Variants in ARL8B observed in about 807,000 individuals in gnomAD.
ARL8B encodes the protein ARF like GTPase 8B, also known as ADP-ribosylation factor-like protein 8B.
In ARL8B, 9 loss-of-function variants were observed where a neutral mutation model predicts 30.6. The observed-to-expected ratio is 0.29, with a 90% CI of 0.18 to 0.51. ARL8B has a LOEUF of 0.51. Among genes scored for constraint, ARL8B ranks in the 20% least tolerant of loss-of-function variants. ARL8B has a pLI of 0.97. For missense variants in ARL8B, 130 were observed against 227.2 expected (o/e 0.57, Z 2.75); for synonymous variants, 74 against 76.0 (o/e 0.97, Z 0.14).
intron 1 of ARL8B, among the ~76,000 whole-genome samples, chr3:5,163,675 G>A (rs1389892429): frequency 6.6e-6 from 1 of 152,194 alleles, no homozygotes; most frequent in African/African-American, 2.4e-5. Context: ...TTCAAGACCA[G>A]CCTGGCCAAC....
intron 1 of ARL8B, among the ~76,000 whole-genome samples, chr3:5,147,995 A>AT (rs1402280655): frequency 2.0e-5 from 3 of 151,424 alleles, no homozygotes; most frequent in African/African-American, 7.3e-5. Context: ...TGGGATTATT[A>AT]TTATCCCATT....
At chr3:5,160,346 A>T (rs1450643689) in intron 1 of ARL8B, among the ~76,000 whole-genome samples, 2 of 152,240 alleles carry the variant, frequency 1.3e-5, no homozygotes, top group African/African-American at 4.8e-5. Context: ...ATTTTTATTC[A>T]GCAGTTTTTT....
chr3:5,147,354 C>G (rs1315143081), intron 1 of ARL8B, among the ~76,000 whole-genome samples: 3 of 152,190 alleles, frequency 2.0e-5, no homozygotes, highest in Non-Finnish European at 4.4e-5. Context: ...ATGAACTCAT[C>G]CTTTTTTATG....
chr3:5,136,022 A>G (rs2054322618), intron 1 of ARL8B, among the ~76,000 whole-genome samples: 1 of 148,236 alleles, frequency 6.7e-6, no homozygotes, highest in Non-Finnish European at 1.5e-5. Flanking sequence ...TCCTGAGCTC[A>G]GGCAGTCCAC....
At chr3:5,132,146 C>T (rs74284141) in intron 1 of ARL8B, among the ~76,000 whole-genome samples, 19,697 of 152,214 alleles carry the variant, frequency 0.13, 1,467 homozygotes, top group East Asian at 0.27. Flanking sequence ...TCCTTGGCCT[C>T]CCAGTGTTGG....
chr3:5,151,277 T>G (rs1287628012), intron 1 of ARL8B, among the ~76,000 whole-genome samples: 1 of 152,078 alleles, frequency 6.6e-6, no homozygotes, highest in African/African-American at 2.4e-5. Context: ...ATTTCTTCTT[T>G]TCTAATATAA....
At position 5,178,989 on chromosome 3, in the gene ARL8B, A is replaced by G. The variant is rs2054754506; in HGVS notation, c.*276A>G. On this transcript the variant is annotated 3_prime_UTR_variant, in exon 7 of 7. Transcript: ENST00000256496. ...GCTTTAAAAACAGAAAAAAAACCCC[A>G]TATACTTATGACCATCTTAAATCAA... The G allele has an allele frequency of 3.1e-6, 1 of 321,642 alleles. No homozygotes were observed. The highest frequency in any genetic ancestry group is 5.0e-5 in the Admixed American group (1 of 20,138). 19.9% of individuals were successfully genotyped at this position (321,642 alleles called of 1,614,324 possible). A position where few individuals can be genotyped will look rare whatever the true frequency, so the allele number is the denominator to read the frequency against.
chr3:5,126,417 A>G (rs2054230307), intron 1 of ARL8B, among the ~76,000 whole-genome samples: 1 of 152,246 alleles, frequency 6.6e-6, no homozygotes, highest in Non-Finnish European at 1.5e-5. Context: ...TCAGGTATGA[A>G]AAGCTTCAGC....
chr3:5,156,799 G>C (rs2054537036), intron 1 of ARL8B: 1 of 152,216 alleles, frequency 6.6e-6, no homozygotes, highest in African/African-American at 2.4e-5. Flanking sequence ...ATGTTGGCCA[G>C]GCTGGTCTTG....
intron 5 of ARL8B, 58 bp downstream of exon 5, chr3:5,174,142 C>T: frequency 6.8e-7 from 1 of 1,462,316 alleles, no homozygotes. Context: ...ATTTTGCCCA[C>T]TTGTTATGTT....
chr3:5,136,026 A>C (rs2054322669), intron 1 of ARL8B, among the ~76,000 whole-genome samples: 1 of 148,060 alleles, frequency 6.8e-6, no homozygotes, highest in African/African-American at 2.5e-5. Context: ...GAGCTCAGGC[A>C]GTCCACCCGC....
chr3:5,136,241 A>G (rs1248883854), intron 1 of ARL8B, among the ~76,000 whole-genome samples: 1 of 152,158 alleles, frequency 6.6e-6, no homozygotes, highest in Non-Finnish European at 1.5e-5. Context: ...TTTTCACGTA[A>G]GGCATTATAT....
intron 1 of ARL8B, among the ~76,000 whole-genome samples, chr3:5,129,049 T>C (rs1425091530): frequency 6.6e-6 from 1 of 152,240 alleles, no homozygotes; most frequent in African/African-American, 2.4e-5. Flanking sequence ...CAATTTGATC[T>C]GCACTTCCTG....
intron 1 of ARL8B, among the ~76,000 whole-genome samples, chr3:5,140,991 C>G (rs947523753): frequency 2.0e-5 from 3 of 152,196 alleles, no homozygotes; most frequent in Non-Finnish European, 4.4e-5. Flanking sequence ...GCAAGTCCCT[C>G]CCCCAGCTCC....
At chr3:5,173,506 A>C (rs923102540) in intron 4 of ARL8B, among the ~76,000 whole-genome samples, 1 of 152,098 alleles carries the variant, frequency 6.6e-6, no homozygotes, top group African/African-American at 2.4e-5. Flanking sequence ...GGAGGCCGAG[A>C]TGGGCGGATC....
At chr3:5,130,352 C>G (rs1298286357) in intron 1 of ARL8B, among the ~76,000 whole-genome samples, 1 of 151,564 alleles carries the variant, frequency 6.6e-6, no homozygotes, top group Non-Finnish European at 1.5e-5. Flanking sequence ...TTTTGTTGAG[C>G]TTCCCAGGCA....
intron 1 of ARL8B, among the ~76,000 whole-genome samples, chr3:5,127,700 CG>C (rs1410488358): frequency 6.6e-6 from 1 of 151,704 alleles, no homozygotes; most frequent in Non-Finnish European, 1.5e-5. Flanking sequence ...GGTGAAACCC[CG>C]TCTCTACTAA....
At chr3:5,140,688 A>G (rs1164001853) in intron 1 of ARL8B, among the ~76,000 whole-genome samples, 1 of 152,018 alleles carries the variant, frequency 6.6e-6, no homozygotes, top group African/African-American at 2.4e-5. Context: ...GAGGGGCTGT[A>G]TGTGTGCAGC....
intron 1 of ARL8B, among the ~76,000 whole-genome samples, chr3:5,156,519 C>T (rs1241320437): frequency 1.3e-5 from 2 of 151,896 alleles, no homozygotes; most frequent in African/African-American, 4.8e-5. Context: ...CAAGTTCAAG[C>T]GATACTCTTG....
Sources: gnomAD v4.1 joint callset for allele counts (sites outside exome capture counted in the v4.1 genomes callset) on GRCh38, gnomAD v4.1.1 for gene constraint, MANE v1.5 for transcripts, NCBI Gene and HGNC (gene_info 2026-07-23, HGNC 2026-07-21) for gene names.